LRMDA: variants seen among roughly 807,000 people sequenced by gnomAD.
LRMDA encodes the protein leucine-rich melanocyte differentiation-associated protein.
In LRMDA, 18 loss-of-function variants were observed where a neutral mutation model predicts 29.8. That is an observed-to-expected ratio of 0.60 (90% confidence interval 0.42 to 0.90). The LOEUF is 0.90. Ranked by LOEUF, LRMDA falls within the 40% of genes least tolerant of loss-of-function variation. The pLI is 0.00. For synonymous variants in LRMDA, 125 were observed against 109.4 expected (o/e 1.14, Z -0.89); for missense variants, 273 against 273.9 (o/e 1.00, Z 0.02).
chr10:76,463,241 T>C (rs1842530919), intron 6 of LRMDA, among the ~76,000 whole-genome samples: 1 of 152,174 alleles, frequency 6.6e-6, no homozygotes, highest in East Asian at 1.9e-4. Flanking sequence ...ACTGTAATTG[T>C]GGGCCAGATG....
chr10:75,877,755 C>G (rs528160993), intron 2 of LRMDA, among the ~76,000 whole-genome samples: 1 of 152,330 alleles, frequency 6.6e-6, no homozygotes. Flanking sequence ...TAGTGAGACT[C>G]TCTTGAAGGG....
At chr10:76,322,359 A>T (rs1313167681) in intron 5 of LRMDA, among the ~76,000 whole-genome samples, 2 of 152,160 alleles carry the variant, frequency 1.3e-5, no homozygotes, top group Non-Finnish European at 2.9e-5. Flanking sequence ...GTTTTCCTAA[A>T]CATCCAGCCA....
Position 76,444,008 on chromosome 10 carries a change from C to T in LRMDA, c.602-113201C>T, listed in dbSNP as rs184651437. 1.6e-3 allele frequency among the ~76,000 whole-genome samples: 237 copies of T among 152,134 alleles called. 1 individual carries two copies. Among genetic ancestry groups the T allele is most frequent in the African/African-American group, 4.9e-3 (203 of 41,504 alleles). ...CATGGAAGGCTGAGTGGATGAGCGC[C>T]GACTCACCTTGGTATTTAACATGAC... On this transcript the variant is annotated intron_variant, in intron 6 of 6. Coordinates refer to ENST00000611255, the MANE Select transcript of LRMDA (RefSeq NM_001305581.2).
chr10:76,462,015 A>G (rs1467606841), intron 6 of LRMDA, among the ~76,000 whole-genome samples: 1 of 148,340 alleles, frequency 6.7e-6, no homozygotes, highest in Admixed American at 6.9e-5. Flanking sequence ...GCTGCAGTGA[A>G]CTGCAATTGT....
chr10:76,119,221 T>C (rs1304134562), intron 5 of LRMDA, among the ~76,000 whole-genome samples: 1 of 150,606 alleles, frequency 6.6e-6, no homozygotes, highest in Non-Finnish European at 1.5e-5. Flanking sequence ...CTCTCGGTGG[T>C]ACAGATGGTC....
chr10:75,514,327 T>A (rs532433874), intron 2 of LRMDA, among the ~76,000 whole-genome samples: 98 of 151,394 alleles, frequency 6.5e-4, no homozygotes, highest in Admixed American at 6.4e-3. Flanking sequence ...TTTTTTTTTT[T>A]AAATAACCAT....
At chr10:75,878,111 C>T (rs1845231255) in intron 2 of LRMDA, among the ~76,000 whole-genome samples, 1 of 152,178 alleles carries the variant, frequency 6.6e-6, no homozygotes. Context: ...GCGTATGTTA[C>T]AGTGTATTCT....
chr10:75,576,727 A>G (rs1840510414), intron 2 of LRMDA, among the ~76,000 whole-genome samples: 1 of 152,222 alleles, frequency 6.6e-6, no homozygotes, highest in East Asian at 1.9e-4. Flanking sequence ...GCAGCCTCTG[A>G]CAGTGATACC....
At chr10:75,580,617 C>A (rs540391661) in intron 2 of LRMDA, among the ~76,000 whole-genome samples, 24 of 152,316 alleles carry the variant, frequency 1.6e-4, no homozygotes, top group African/African-American at 5.5e-4. Flanking sequence ...CCAAGACAAT[C>A]CTAAGCCAAA....
chr10:76,073,502 G>A (rs190851697), intron 5 of LRMDA, among the ~76,000 whole-genome samples: 12 of 152,092 alleles, frequency 7.9e-5, no homozygotes, highest in African/African-American at 1.7e-4. Flanking sequence ...TTTTCCCACC[G>A]TTCCTGGATT....
intron 6 of LRMDA, among the ~76,000 whole-genome samples, chr10:76,353,340 G>GTT (rs1425432802): frequency 6.6e-6 from 1 of 151,640 alleles, no homozygotes; most frequent in Non-Finnish European, 1.5e-5. Flanking sequence ...TTGTGTGTGT[G>GTT]TGTGTGTGTG....
At chr10:75,766,655 C>G (rs538281028) in intron 2 of LRMDA, among the ~76,000 whole-genome samples, 4 of 151,690 alleles carry the variant, frequency 2.6e-5, no homozygotes, top group African/African-American at 9.7e-5. Context: ...ACTTTAAGTT[C>G]TGGGATACAT....
At chr10:76,060,918 C>T (rs1227412849) in intron 5 of LRMDA, among the ~76,000 whole-genome samples, 1 of 152,128 alleles carries the variant, frequency 6.6e-6, no homozygotes, top group Admixed American at 6.5e-5. Flanking sequence ...TTTAAAAAGC[C>T]TGTTAAGGTG....
At chr10:76,013,576 TGGGGCAACAG>T (rs1847823205) in intron 2 of LRMDA, among the ~76,000 whole-genome samples, 1 of 152,104 alleles carries the variant, frequency 6.6e-6, no homozygotes, top group Non-Finnish European at 1.5e-5. Flanking sequence ...TGGGCATACC[TGGGGCAACAG>T]GTAAAATGTG....
intron 2 of LRMDA, among the ~76,000 whole-genome samples, chr10:75,912,310 C>T (rs1417041959): frequency 6.6e-6 from 1 of 152,122 alleles, no homozygotes; most frequent in African/African-American, 2.4e-5. Context: ...CTTCACATGC[C>T]TTTGATTGAA....
intron 5 of LRMDA, among the ~76,000 whole-genome samples, chr10:76,132,692 C>T (rs1451401014): frequency 1.3e-5 from 2 of 152,044 alleles, no homozygotes; most frequent in Admixed American, 6.6e-5. Context: ...GTACGAGTAT[C>T]GGAGTACGAG....
intron 2 of LRMDA, among the ~76,000 whole-genome samples, chr10:75,439,927 G>A (rs1165289700): frequency 6.6e-6 from 1 of 152,040 alleles, no homozygotes; most frequent in Non-Finnish European, 1.5e-5. Flanking sequence ...CCTCCTGTGT[G>A]ACCAGCCCCC....
intron 2 of LRMDA, among the ~76,000 whole-genome samples, chr10:75,546,366 T>G (rs942497696): frequency 1.3e-5 from 2 of 151,752 alleles, no homozygotes. Context: ...CTATGAACTA[T>G]TCATAAGCTT....
intron 6 of LRMDA, among the ~76,000 whole-genome samples, chr10:76,338,546 T>C (rs1215117910): frequency 1.3e-5 from 2 of 152,026 alleles, no homozygotes; most frequent in African/African-American, 4.8e-5. Context: ...CCATCCTTAG[T>C]TTAGGCATCA....
Sources: allele counts gnomAD v4.1 joint callset (sites outside exome capture counted in the v4.1 genomes callset), GRCh38; gene constraint gnomAD v4.1.1; transcripts MANE v1.5; gene names NCBI Gene and HGNC (gene_info 2026-07-23, HGNC 2026-07-21).